PTPRO: variants seen among roughly 807,000 people sequenced by gnomAD.
PTPRO encodes receptor-type tyrosine-protein phosphatase O.
PTPRO carries 62 observed loss-of-function variants against 145.2 expected under a neutral mutation model. That is an observed-to-expected ratio of 0.43 (90% CI 0.35 to 0.53). The LOEUF is 0.53. PTPRO is among the 20% of genes least tolerant of loss of function. PTPRO has a pLI of 0.01. For synonymous variants in PTPRO, 565 were observed against 514.7 expected, an observed-to-expected ratio of 1.10 and a Z score of -1.32; for missense variants, 1,345 against 1,482.7, an observed-to-expected ratio of 0.91 and a Z score of 1.53.
chr12:15,557,513 C>T lies in PTPRO; in HGVS notation c.2617C>T (p.Pro873Ser), dbSNP rs755991453. The T allele has an allele frequency of 5.6e-6, 9 of 1,613,366 alleles. No homozygotes were observed. The highest frequency in any genetic ancestry group is 2.2e-5 in the East Asian group (1 of 44,854). ...ATCCTTAGAGAGGGATGGAAAGCTT[C>T]CATACAACTGGTGAGTATTGTTTTG... ...FASLERDGKLPYNWRRSIFAF... is the reference protein window; with the variant it reads ...FASLERDGKLSYNWRRSIFAF... The change falls in exon 16 of 27, where the codon CCA becomes TCA. Residue 873 changes from proline (P) to serine (S), a missense_variant. Pro to Ser is a moderately conservative substitution (Grantham distance 74). Transcript: ENST00000281171.
At chr12:15,466,051 A>G (rs931373594) in intron 1 of PTPRO, among the ~76,000 whole-genome samples, 3 of 152,212 alleles carry the variant, frequency 2.0e-5, no homozygotes, top group Non-Finnish European at 4.4e-5. Context: ...TGAAAGAAGT[A>G]TTAACCCCAT....
intron 1 of PTPRO, among the ~76,000 whole-genome samples, chr12:15,449,170 A>T (rs1315794123): frequency 6.6e-6 from 1 of 152,118 alleles, no homozygotes; most frequent in Non-Finnish European, 1.5e-5. Flanking sequence ...AGTAAGGTAC[A>T]GAAACAACTA....
intron 1 of PTPRO, among the ~76,000 whole-genome samples, chr12:15,386,730 A>G (rs1939040876): frequency 6.6e-6 from 1 of 152,054 alleles, no homozygotes; most frequent in Non-Finnish European, 1.5e-5. Context: ...GATAGCCTAC[A>G]TGAGAGTAAT....
intron 3 of PTPRO, among the ~76,000 whole-genome samples, chr12:15,498,086 G>C (rs1321618607): frequency 6.6e-6 from 1 of 151,860 alleles, no homozygotes; most frequent in Non-Finnish European, 1.5e-5. Flanking sequence ...GGGTGGGGGT[G>C]GGAGGTAGGT....
At chr12:15,347,598 C>T (rs1300391153) in intron 1 of PTPRO, among the ~76,000 whole-genome samples, 1 of 152,174 alleles carries the variant, frequency 6.6e-6, no homozygotes, top group African/African-American at 2.4e-5. Flanking sequence ...TTTCACAAAC[C>T]TTGGCACATA....
chr12:15,591,124 T>A (rs1402215300), intron 25 of PTPRO, among the ~76,000 whole-genome samples: 1 of 152,154 alleles, frequency 6.6e-6, no homozygotes, highest in African/African-American at 2.4e-5. Context: ...ATCCCAGCAC[T>A]TTAGGAGGCT....
At chr12:15,468,967 ACC>A (rs1233616875) in intron 1 of PTPRO, among the ~76,000 whole-genome samples, 3 of 152,196 alleles carry the variant, frequency 2.0e-5, no homozygotes, top group Non-Finnish European at 4.4e-5. Flanking sequence ...GATATTAACA[ACC>A]CAACAAGAAG....
chr12:15,550,269 C>T (rs1232147200), intron 14 of PTPRO, among the ~76,000 whole-genome samples: 1 of 152,040 alleles, frequency 6.6e-6, no homozygotes. Context: ...TTGAGAAAAT[C>T]GTAAGGAAGA....
chr12:15,544,635 T>C (rs1463744659), intron 12 of PTPRO, among the ~76,000 whole-genome samples: 1 of 152,116 alleles, frequency 6.6e-6, no homozygotes, highest in African/African-American at 2.4e-5. Flanking sequence ...AGTGTGCATT[T>C]TTAAAAAAGA....
intron 1 of PTPRO, among the ~76,000 whole-genome samples, chr12:15,383,344 C>T (rs761510238): frequency 1.9e-4 from 28 of 150,374 alleles, no homozygotes; most frequent in Non-Finnish European, 2.5e-4. Flanking sequence ...ATATATATAC[C>T]ATGTTTTAAA....
intron 12 of PTPRO, among the ~76,000 whole-genome samples, chr12:15,527,769 C>A (rs1002916267): frequency 8.6e-5 from 13 of 152,044 alleles, no homozygotes; most frequent in Non-Finnish European, 1.8e-4. Flanking sequence ...CAATAAAAGA[C>A]AAAACAAGGC....
intron 19 of PTPRO, among the ~76,000 whole-genome samples, chr12:15,573,843 A>G (rs1486421569): frequency 6.6e-6 from 1 of 152,212 alleles, no homozygotes; most frequent in East Asian, 1.9e-4. Flanking sequence ...TTCAGGATGT[A>G]TGCTGGACCT....
At position 15,501,674 on chromosome 12, in the gene PTPRO, A is replaced by G. The variant is rs1192876105; in HGVS notation, c.716A>G (p.Asn239Ser). The change falls in exon 5 of 27, where the codon AAC becomes AGC. Residue 239 changes from asparagine (N) to serine (S), a missense_variant. Asn to Ser is a conservative substitution (Grantham distance 46, BLOSUM62 1). This residue lies in a region of PTPRO where 1,130 missense variants were observed against 1,214.7 expected (regional missense o/e 0.93). Coordinates refer to ENST00000281171, the MANE Select transcript of PTPRO (RefSeq NM_030667.3). ...CGTATCGTAAACTTGAACAAAAACA[A>G]CTGGGAAGAACAGAGTGGCAATTTC... ...SVRIVNLNKN[N>S]WEEQSGNFPE... 1 of 1,614,002 alleles carries G rather than the reference A, an allele frequency of 6.2e-7. No homozygotes were observed. The highest frequency in any genetic ancestry group is 2.2e-5 in the East Asian group (1 of 44,862).
intron 1 of PTPRO, among the ~76,000 whole-genome samples, chr12:15,339,350 T>C (rs1372699809): frequency 6.6e-6 from 1 of 152,058 alleles, no homozygotes; most frequent in Non-Finnish European, 1.5e-5. Flanking sequence ...GGAAATGAGG[T>C]TGAAAAGGTG....
At position 15,458,767 on chromosome 12, in the gene PTPRO, T is replaced by C. The variant is rs112825230; in HGVS notation, c.76-25207T>C. ...TTCATGCATGTTCTATTGACCTCAT[T>C]GAGCATCTTTCTGATGGTTATTTTG... is the stretch of plus-strand genomic sequence containing the variant. On this transcript the variant is annotated intron_variant, in intron 1 of 26. Transcript: ENST00000281171. 5.2e-3 allele frequency among the ~76,000 whole-genome samples: 786 copies of C among 152,182 alleles called. 6 individuals are homozygous for C. The highest frequency in any genetic ancestry group is 0.018 in the African/African-American group (729 of 41,534).
chr12:15,576,853 T>C (rs939355854), intron 19 of PTPRO, among the ~76,000 whole-genome samples: 1 of 152,192 alleles, frequency 6.6e-6, no homozygotes, highest in African/African-American at 2.4e-5. Flanking sequence ...TCAGAATATG[T>C]GAGATATTTT....
At chr12:15,539,545 T>A (rs184044932) in intron 12 of PTPRO, among the ~76,000 whole-genome samples, 1 of 151,946 alleles carries the variant, frequency 6.6e-6, no homozygotes, top group Non-Finnish European at 1.5e-5. Flanking sequence ...GCAGATCACT[T>A]GAGGCCGGGA....
rs1565616297 is a variant in PTPRO at position 15,415,549 on chromosome 12, T to TGGAGACAATATAACATGGTGGCTAAATG, written c.76-68425_76-68424insGGAGACAATATAACATGGTGGCTAAATG. Among the ~76,000 whole-genome samples, 31 of 150,526 alleles carry TGGAGACAATATAACATGGTGGCTAAATG rather than the reference T, an allele frequency of 2.1e-4. 1 individual carries two copies. Among genetic ancestry groups the TGGAGACAATATAACATGGTGGCTAAATG allele is most frequent in the African/African-American group, 7.8e-4 (31 of 39,970 alleles). On this transcript the variant is annotated intron_variant, in intron 1 of 26. Coordinates refer to ENST00000281171, the MANE Select transcript of PTPRO (RefSeq NM_030667.3). Reference sequence around the variant, plus strand: ...ACAGGCACCTGCCACCACACCCGGCTAATTTTTTGTATTTTTAGTAGAGAC... The same window carrying TGGAGACAATATAACATGGTGGCTAAATG: ...ACAGGCACCTGCCACCACACCCGGCTGGAGACAATATAACATGGTGGCTAAATGAATTTTTTGTATTTTTAGTAGAGAC...
rs377425781 is a variant in PTPRO at position 15,329,773 on chromosome 12, T to C, written c.75+6972T>C. Reference sequence around the variant, plus strand: ...TGGACACAGATGATGGTCATTAGAATATGGTGTTTTGTTTTACGGATGAAA... The same window carrying C: ...TGGACACAGATGATGGTCATTAGAACATGGTGTTTTGTTTTACGGATGAAA... On this transcript the variant is annotated intron_variant, in intron 1 of 26. Coordinates refer to ENST00000281171, the MANE Select transcript of PTPRO (RefSeq NM_030667.3). 5.3e-5 allele frequency among the ~76,000 whole-genome samples: 8 copies of C among 152,312 alleles called. No homozygotes were observed. In the East Asian group the frequency reaches 1.2e-3, roughly 22 times the overall value.
Sources: allele counts gnomAD v4.1 joint callset (sites outside exome capture counted in the v4.1 genomes callset), GRCh38; gene constraint gnomAD v4.1.1; regional missense constraint gnomAD v4.1.1; transcripts MANE v1.5; gene names NCBI Gene and HGNC (gene_info 2026-07-23, HGNC 2026-07-21).